STIM1: variants seen among roughly 807,000 people sequenced by gnomAD.
The protein encoded by STIM1 is stromal interaction molecule 1.
Under a neutral mutation model 74.7 loss-of-function variants are expected in STIM1, and 25 were observed. The observed-to-expected ratio is 0.33, with a 90% CI of 0.24 to 0.47. The LOEUF is 0.47. Among genes scored for constraint, STIM1 ranks in the 20% least tolerant of loss-of-function variants. STIM1 has a pLI of 1.00. For missense variants in STIM1, 728 were observed against 920.8 expected (o/e 0.79, Z 2.71); for synonymous variants, 328 against 348.8 (o/e 0.94, Z 0.66).
At chr11:3,874,345 A>G (rs1425125988) in intron 1 of STIM1, among the ~76,000 whole-genome samples, 1 of 152,210 alleles carries the variant, frequency 6.6e-6, no homozygotes, top group African/African-American at 2.4e-5. Context: ...AAAAAGGGAT[A>G]AGGAAAAGAT....
intron 3 of STIM1, among the ~76,000 whole-genome samples, chr11:4,040,268 C>A (rs2094138216): frequency 6.6e-6 from 1 of 152,136 alleles, no homozygotes; most frequent in South Asian, 2.1e-4. Context: ...CATACAAGGT[C>A]CATGCTTATT....
intron 1 of STIM1, among the ~76,000 whole-genome samples, chr11:3,929,120 G>A (rs2092827191): frequency 6.6e-6 from 1 of 152,162 alleles, no homozygotes; most frequent in Non-Finnish European, 1.5e-5. Flanking sequence ...CAAAGTGCTG[G>A]GATTACAGGC....
At chr11:3,948,663 C>A (rs1446418727) in intron 1 of STIM1, among the ~76,000 whole-genome samples, 4 of 152,140 alleles carry the variant, frequency 2.6e-5, no homozygotes, top group Non-Finnish European at 5.9e-5. Flanking sequence ...AGTTCTCAAT[C>A]TATAATAGTC....
intron 1 of STIM1, among the ~76,000 whole-genome samples, chr11:3,883,954 C>T (rs1183657176): frequency 1.3e-5 from 2 of 151,948 alleles, no homozygotes; most frequent in African/African-American, 4.8e-5. Flanking sequence ...GAATAATAGT[C>T]CCTATTGTTT....
At chr11:4,012,404 C>T (rs1360582271) in intron 2 of STIM1, among the ~76,000 whole-genome samples, 2 of 152,136 alleles carry the variant, frequency 1.3e-5, no homozygotes, top group Admixed American at 6.5e-5. Context: ...TTTCGTTGAG[C>T]AGTTGTTTGT....
chr11:3,977,930 A>G (rs16929546), intron 2 of STIM1, among the ~76,000 whole-genome samples: 8,260 of 152,158 alleles, frequency 0.054, 373 homozygotes, highest in East Asian at 0.18. Context: ...TATCAGCTCT[A>G]TCACCATCCC....
At chr11:4,066,763 T>C (rs1434972643) in intron 5 of STIM1, among the ~76,000 whole-genome samples, 1 of 152,116 alleles carries the variant, frequency 6.6e-6, no homozygotes, top group East Asian at 1.9e-4. Context: ...GTCCAAAGAA[T>C]GGGTTGATCG....
intron 2 of STIM1, among the ~76,000 whole-genome samples, chr11:3,968,307 G>A (rs2093359286): frequency 6.6e-6 from 1 of 152,202 alleles, no homozygotes; most frequent in Admixed American, 6.5e-5. Flanking sequence ...GTCATTATGT[G>A]TGAAAAGATT....
intron 1 of STIM1, among the ~76,000 whole-genome samples, chr11:3,931,313 C>T (rs1323171311): frequency 2.6e-5 from 4 of 152,138 alleles, no homozygotes; most frequent in Non-Finnish European, 5.9e-5. Context: ...ATTTATTCAG[C>T]AATCATTTAC....
At chr11:4,045,820 C>A (rs1214275196) in intron 3 of STIM1, among the ~76,000 whole-genome samples, 1 of 136,206 alleles carries the variant, frequency 7.3e-6, no homozygotes, top group Non-Finnish European at 1.5e-5. Flanking sequence ...GGCTGGAGTG[C>A]AGTGGTGAGA....
chr11:3,874,954 A>T (rs1245090358), intron 1 of STIM1, among the ~76,000 whole-genome samples: 2 of 149,230 alleles, frequency 1.3e-5, no homozygotes, highest in African/African-American at 2.5e-5. Context: ...TAGAGTTTGT[A>T]TCTTTTTTTT....
chr11:4,030,817 G>A (rs1023782785), intron 3 of STIM1, among the ~76,000 whole-genome samples: 1 of 152,114 alleles, frequency 6.6e-6, no homozygotes, highest in African/African-American at 2.4e-5. Flanking sequence ...TCTCTCACCC[G>A]AGGGTTCTAC....
chr11:4,062,493 A>G (rs1048035568), intron 5 of STIM1, among the ~76,000 whole-genome samples: 1 of 152,164 alleles, frequency 6.6e-6, no homozygotes, highest in Non-Finnish European at 1.5e-5. Context: ...GTGGTGGCAC[A>G]TGACTGTAAT....
At chr11:3,944,681 T>C (rs1302632602) in intron 1 of STIM1, among the ~76,000 whole-genome samples, 1 of 152,190 alleles carries the variant, frequency 6.6e-6, no homozygotes, top group African/African-American at 2.4e-5. Flanking sequence ...TGGGCCTCAT[T>C]TGTCAAGTGG....
rs531543171 is a variant in STIM1 at position 4,039,842 on chromosome 11, A to G, written c.386-15684A>G. ...GAGTACAGTGGCGTGATCTTGGCTCACTGCAACCTCTGCCTCCCAGGTTCA... is the reference window on the plus strand; with the variant it reads ...GAGTACAGTGGCGTGATCTTGGCTCGCTGCAACCTCTGCCTCCCAGGTTCA... On this transcript the variant is annotated intron_variant, in intron 3 of 12. Coordinates refer to ENST00000526596, the MANE Select transcript of STIM1 (RefSeq NM_001382567.1). 1.7e-4 allele frequency among the ~76,000 whole-genome samples: 26 copies of G among 151,882 alleles called. No individual in the cohort carries two copies. The East Asian group carries it at 4.9e-3, about 29-fold the overall frequency.
chr11:3,991,232 A>C (rs2093608616), intron 2 of STIM1, among the ~76,000 whole-genome samples: 1 of 141,780 alleles, frequency 7.1e-6, no homozygotes, highest in African/African-American at 2.6e-5. Context: ...GTGCAGTGGC[A>C]TGATTCCAGC....
chr11:3,892,930 G>C, intron 1 of STIM1: 1 of 1,162,010 alleles, frequency 8.6e-7, no homozygotes, highest in Non-Finnish European at 1.3e-6. Context: ...CATCTGCAAA[G>C]ACTTTTATGT....
chr11:3,932,666 G>GAAAAAAAAAAAA (rs57059104), intron 1 of STIM1, among the ~76,000 whole-genome samples: 11 of 86,916 alleles, frequency 1.3e-4, no homozygotes, highest in Non-Finnish European at 1.8e-4. Context: ...TGTCTCAAAG[G>GAAAAAAAAAAAA]AAAAAAAAAA....
At chr11:3,912,077 A>G (rs1292670624) in intron 1 of STIM1, among the ~76,000 whole-genome samples, 2 of 151,764 alleles carry the variant, frequency 1.3e-5, no homozygotes, top group Admixed American at 1.3e-4. Context: ...GGGGGCATCT[A>G]TCCATAACTG....
Sources: allele counts gnomAD v4.1 joint callset (sites outside exome capture counted in the v4.1 genomes callset), GRCh38; gene constraint gnomAD v4.1.1; transcripts MANE v1.5; gene names NCBI Gene and HGNC (gene_info 2026-07-23, HGNC 2026-07-21).